Variants in WWOX observed in about 807,000 individuals in gnomAD.
The protein encoded by WWOX is WW domain containing oxidoreductase, also known as WW domain-containing oxidoreductase.
WWOX carries 69 observed loss-of-function variants against 46.2 expected under a neutral mutation model. The observed-to-expected ratio is 1.49, with a 90% confidence interval of 1.23 to 1.82. The LOEUF is 1.82. WWOX is among the 40% of genes most tolerant of loss of function. The pLI is 0.00. For synonymous variants in WWOX, 359 were observed against 202.6 expected, an observed-to-expected ratio of 1.77 and a Z score of -6.56; for missense variants, 919 against 542.6, an observed-to-expected ratio of 1.69 and a Z score of -6.89.
chr16:78,914,797 T>A (rs1209662141), intron 8 of WWOX, among the ~76,000 whole-genome samples: 2 of 143,710 alleles, frequency 1.4e-5, no homozygotes, highest in Non-Finnish European at 3.0e-5. Context: ...GAGAATGGCG[T>A]GAACCCAGGA....
Position 78,731,862 on chromosome 16 carries a change from T to TTTTG in WWOX, c.1056+299111_1056+299112insTTGT, listed in dbSNP as rs34201735. ...TTCTTTCTCTTTTTTTTTTTTTTTT[T>TTTTG]TGAGAGACAGGGTCTTGCTTTATAG... On this transcript the variant is annotated intron_variant, in intron 8 of 8. Transcript: ENST00000566780. Among the ~76,000 whole-genome samples, 627 of 137,576 alleles carry TTTTG rather than the reference T, an allele frequency of 4.6e-3. 13 individuals are homozygous for TTTTG. The highest frequency in any genetic ancestry group is 0.013 in the African/African-American group (419 of 32,170). The allele number at this position is 137,576 out of a possible 152,430, so 90.3% of individuals were successfully genotyped here.
chr16:79,064,000 T>G (rs563862121), intron 8 of WWOX, among the ~76,000 whole-genome samples: 1 of 152,200 alleles, frequency 6.6e-6, no homozygotes, highest in Admixed American at 6.5e-5. Context: ...GCCAGGCCAT[T>G]TGAGGACAAG....
chr16:78,656,001 A>G (rs1296826984), intron 8 of WWOX, among the ~76,000 whole-genome samples: 1 of 152,194 alleles, frequency 6.6e-6, no homozygotes, highest in Admixed American at 6.5e-5. Flanking sequence ...GAGAAACACA[A>G]CATTGAGTGA....
intron 8 of WWOX, among the ~76,000 whole-genome samples, chr16:79,074,581 T>C (rs1454093186): frequency 6.6e-6 from 1 of 152,008 alleles, no homozygotes; most frequent in Non-Finnish European, 1.5e-5. Flanking sequence ...AGTAGCATTC[T>C]ACACTTAAGT....
chr16:79,182,243 G>A lies in WWOX; in HGVS notation c.1057-29365G>A, dbSNP rs145172167. ...ACCATTAGCATCTGGGGCTGTACAC[G>A]TCTTTGTACTGCACACTGTAGGGTA... On this transcript the variant is annotated intron_variant, in intron 8 of 8. Coordinates refer to ENST00000566780, the MANE Select transcript of WWOX (RefSeq NM_016373.4). Among the ~76,000 whole-genome samples the A allele has an allele frequency of 3.6e-4, 54 of 151,970 alleles. No individual in the cohort carries two copies. In the East Asian group the frequency reaches 8.2e-3, roughly 23 times the overall value.
chr16:78,403,494 T>C (rs1301399803), intron 6 of WWOX, among the ~76,000 whole-genome samples: 1 of 152,218 alleles, frequency 6.6e-6, no homozygotes, highest in Non-Finnish European at 1.5e-5. Flanking sequence ...AATATAATGT[T>C]AATTTGTAGC....
intron 8 of WWOX, among the ~76,000 whole-genome samples, chr16:78,572,147 AT>A (rs2044731139): frequency 6.6e-6 from 1 of 152,236 alleles, no homozygotes; most frequent in Admixed American, 6.5e-5. Flanking sequence ...ATAATTTGTG[AT>A]AGCAAGAACC....
intron 8 of WWOX, among the ~76,000 whole-genome samples, chr16:79,040,301 G>T (rs1309261885): frequency 6.8e-6 from 1 of 147,244 alleles, no homozygotes; most frequent in African/African-American, 2.5e-5. Flanking sequence ...TTGAGACAAG[G>T]TCTCATTCTG....
chr16:78,432,485 A>C lies in WWOX; in HGVS notation c.792-3A>C. On this transcript the variant is annotated splice_region_variant and splice_polypyrimidine_tract_variant and intron_variant, in intron 7 of 8. Transcript: ENST00000566780. The stretch of plus-strand genomic sequence containing the variant: ...GCTTCATGTCATATTTCCTATTTTT[A>C]AGATTTACAGATATTAACGACTCCT... 10 of 1,613,990 alleles carry C rather than the reference A, an allele frequency of 6.2e-6. No individual in the cohort carries two copies. The highest frequency in any genetic ancestry group is 8.5e-6 in the Non-Finnish European group (10 of 1,180,014).
intron 8 of WWOX, among the ~76,000 whole-genome samples, chr16:78,588,477 G>A (rs926044170): frequency 6.6e-6 from 1 of 152,182 alleles, no homozygotes; most frequent in Admixed American, 6.5e-5. Flanking sequence ...TTTGGGCTCT[G>A]AAAGTTATTT....
At chr16:78,463,033 G>C (rs2083989540) in intron 8 of WWOX, among the ~76,000 whole-genome samples, 1 of 152,166 alleles carries the variant, frequency 6.6e-6, no homozygotes, top group Non-Finnish European at 1.5e-5. Flanking sequence ...TGGCTTTGAG[G>C]CTCATTGATC....
chr16:78,862,218 GTGTC>G (rs1219977064), intron 8 of WWOX, among the ~76,000 whole-genome samples: 4 of 139,366 alleles, frequency 2.9e-5, no homozygotes, highest in Non-Finnish European at 3.3e-5. Context: ...ACCTATGGGT[GTGTC>G]TGTCTGTATC....
In WWOX at chr16:79,101,453, A is replaced by G. The variant is rs76501627; in HGVS notation, c.1057-110155A>G. The G allele has an allele frequency of 1.6e-3, 241 of 152,310 alleles. 2 individuals carry two copies. The highest frequency in any genetic ancestry group is 5.5e-3 in the African/African-American group (228 of 41,576). 9.4% of individuals were successfully genotyped at this position (152,310 alleles called of 1,614,324 possible). On this transcript the variant is annotated intron_variant, in intron 8 of 8. Transcript: ENST00000566780. ...GTAAATTCCCCAAAATTACTTGATG[A>G]CAAAGATCATTTGGGAGAGATTCTT...
At chr16:78,723,124 G>T (rs1238045930) in intron 8 of WWOX, among the ~76,000 whole-genome samples, 5 of 152,158 alleles carry the variant, frequency 3.3e-5, no homozygotes, top group African/African-American at 1.2e-4. Context: ...AAAAGTGAAA[G>T]ATCATCCCGT....
At chr16:79,182,288 C>T (rs980823511) in intron 8 of WWOX, among the ~76,000 whole-genome samples, 1 of 151,994 alleles carries the variant, frequency 6.6e-6, no homozygotes, top group African/African-American at 2.4e-5. Flanking sequence ...CCTGGCCCTG[C>T]CCCATGATAT....
chr16:78,663,437 C>A (rs2047262456), intron 8 of WWOX, among the ~76,000 whole-genome samples: 1 of 152,122 alleles, frequency 6.6e-6, no homozygotes, highest in African/African-American at 2.4e-5. Context: ...TCATGTCATT[C>A]CCACTTTCTG....
chr16:78,339,607 G>A lies in WWOX; in HGVS notation c.517-47253G>A, dbSNP rs759065596. On this transcript the variant is annotated intron_variant, in intron 5 of 8. Transcript: ENST00000566780. ...GTCTTGTAGTAGCTTTCTGAAAAAG[G>A]ATGATAGAATATGTGTGTGTGTCTG... Among the ~76,000 whole-genome samples the A allele has an allele frequency of 2.5e-5, 3 of 119,980 alleles. 1 individual carries two copies. Among genetic ancestry groups the A allele is most frequent in the South Asian group, 2.5e-4 (1 of 3,982 alleles). 78.7% of individuals were successfully genotyped at this position (119,980 alleles called of 152,430 possible).
intron 8 of WWOX, among the ~76,000 whole-genome samples, chr16:78,606,033 A>T (rs2045748565): frequency 6.6e-6 from 1 of 152,220 alleles, no homozygotes; most frequent in African/African-American, 2.4e-5. Flanking sequence ...TATACTAGTT[A>T]GGAGACACAT....
chr16:78,639,197 A>G (rs1419556953), intron 8 of WWOX, among the ~76,000 whole-genome samples: 2 of 152,204 alleles, frequency 1.3e-5, no homozygotes, highest in Non-Finnish European at 2.9e-5. Flanking sequence ...CAGGATGTAC[A>G]AAGTACTTCT....
Sources: gnomAD v4.1 joint callset for allele counts (sites outside exome capture counted in the v4.1 genomes callset) on GRCh38, gnomAD v4.1.1 for gene constraint, MANE v1.5 for transcripts, NCBI Gene and HGNC (gene_info 2026-07-23, HGNC 2026-07-21) for gene names.